KCNH1: variants seen among roughly 807,000 people sequenced by gnomAD.
KCNH1 encodes voltage-gated delayed rectifier potassium channel KCNH1.
A neutral mutation model predicts 69.2 loss-of-function variants in KCNH1; 27 were observed. The ratio of observed to expected loss-of-function variants is 0.39; its 90% confidence interval spans 0.29 to 0.54. The LOEUF is 0.54. Ranked by LOEUF, KCNH1 falls within the 20% of genes least tolerant of loss-of-function variation. The pLI is 0.68. For missense variants in KCNH1, 798 were observed against 1,261.6 expected, an observed-to-expected ratio of 0.63 and a Z score of 5.57; for synonymous variants, 456 against 487.7, an observed-to-expected ratio of 0.93 and a Z score of 0.86.
At chr1:210,891,579 G>T (rs903789838) in intron 7 of KCNH1, among the ~76,000 whole-genome samples, 2 of 151,858 alleles carry the variant, frequency 1.3e-5, no homozygotes, top group Non-Finnish European at 2.9e-5. Flanking sequence ...ATGCTGAAGA[G>T]GATGTGGAGA....
At chr1:210,959,608 T>C (rs184300852) in intron 6 of KCNH1, among the ~76,000 whole-genome samples, 273 of 152,336 alleles carry the variant, frequency 1.8e-3, no homozygotes, top group African/African-American at 6.2e-3. Context: ...GCCTTAGCAA[T>C]GGCAGACGCC....
At chr1:210,855,947 C>T (rs1279591736) in intron 7 of KCNH1, among the ~76,000 whole-genome samples, 5 of 152,114 alleles carry the variant, frequency 3.3e-5, no homozygotes, top group African/African-American at 1.2e-4. Flanking sequence ...TCTTAATATG[C>T]CACCTGGCTA....
At chr1:210,770,227 G>A (rs1478360617) in intron 10 of KCNH1, among the ~76,000 whole-genome samples, 3 of 152,124 alleles carry the variant, frequency 2.0e-5, no homozygotes, top group African/African-American at 7.2e-5. Flanking sequence ...CAAGGGGAGA[G>A]AGAGCATTTG....
chr1:210,807,216 T>C (rs1003065667), intron 7 of KCNH1, among the ~76,000 whole-genome samples: 4 of 152,124 alleles, frequency 2.6e-5, no homozygotes, highest in African/African-American at 7.2e-5. Flanking sequence ...AATTCTTCTA[T>C]CACCACAGAG....
In KCNH1 at chr1:210,682,472, G is replaced by C. The variant is rs991462585; in HGVS notation, c.*809C>G. 3 of 152,570 alleles carry C rather than the reference G, an allele frequency of 2.0e-5. No homozygotes were observed. Among genetic ancestry groups the C allele is most frequent in the Admixed American group, 1.3e-4 (2 of 15,280 alleles). The allele number at this position is 152,570 out of a possible 1,614,324, so 9.5% of individuals were successfully genotyped here. A position where few individuals can be genotyped will look rare whatever the true frequency, so the allele number is the denominator to read the frequency against. ...AACAGAAGCAAGGGAGCCTGTGTGT[G>C]AGGCCAGCAGCATGGAGCAGGGCCA... On this transcript the variant is annotated 3_prime_UTR_variant, in exon 11 of 11. Coordinates refer to ENST00000271751, the MANE Select transcript of KCNH1 (RefSeq NM_172362.3).
chr1:211,047,366 C>T (rs987977043), intron 5 of KCNH1, among the ~76,000 whole-genome samples: 6 of 152,148 alleles, frequency 3.9e-5, no homozygotes, highest in African/African-American at 1.4e-4. Flanking sequence ...TGAACGCAGG[C>T]ATGTGTGTAC....
intron 6 of KCNH1, among the ~76,000 whole-genome samples, chr1:210,950,527 G>A (rs1688046227): frequency 6.6e-6 from 1 of 150,854 alleles, no homozygotes; most frequent in Non-Finnish European, 1.5e-5. Context: ...TTTCATCCAT[G>A]TCCCTACAAA....
chr1:210,885,633 A>C (rs2102514467), intron 7 of KCNH1, among the ~76,000 whole-genome samples: 1 of 152,286 alleles, frequency 6.6e-6, no homozygotes, highest in African/African-American at 2.4e-5. Flanking sequence ...CAGCAAGCTA[A>C]GATCCACTGG....
At chr1:210,939,699 C>T (rs751589225) in intron 6 of KCNH1, among the ~76,000 whole-genome samples, 13 of 152,302 alleles carry the variant, frequency 8.5e-5, no homozygotes, top group East Asian at 1.9e-4. Flanking sequence ...ACCCAACTTA[C>T]GGTTGAAGAA....
At chr1:210,809,201 A>G (rs976949535) in intron 7 of KCNH1, among the ~76,000 whole-genome samples, 2 of 152,278 alleles carry the variant, frequency 1.3e-5, no homozygotes, top group East Asian at 3.9e-4. Context: ...GGTGTAGCAA[A>G]AACACATATC....
rs372512720 is a variant in KCNH1 at position 210,683,885 on chromosome 1, G to A, written c.2366C>T (p.Thr789Ile). ...NHSLVKASVV[T>I]VRESPATPVS... ...GGGCGTGGCAGGACTCTCACGCACG[G>A]TGACCACGCTGGCCTTCACGAGGCT... Residue 789 changes from threonine to isoleucine, a missense_variant, in exon 11 of 11, where the codon ACC (threonine) becomes ATC (isoleucine). By Grantham distance (89) the Thr-to-Ile change is moderately conservative (BLOSUM62 -1). Transcript: ENST00000271751. The surrounding 1 kb of genome is among the most constrained non-coding windows in gnomAD (Gnocchi z 5.7). 9.0e-5 allele frequency: 146 copies of A among 1,613,954 alleles called. No individual in the cohort carries two copies. The highest frequency in any genetic ancestry group is 1.1e-4 in the Non-Finnish European group (124 of 1,179,944).
At chr1:210,993,297 CTCAT>C (rs1267462408) in intron 6 of KCNH1, among the ~76,000 whole-genome samples, 2 of 152,268 alleles carry the variant, frequency 1.3e-5, no homozygotes, top group East Asian at 3.9e-4. Flanking sequence ...TAAGGAGTTT[CTCAT>C]TCTACCGAAA....
chr1:211,028,026 GC>G lies in KCNH1; in HGVS notation c.559-8771del, dbSNP rs538875358. On this transcript the variant is annotated intron_variant, in intron 5 of 10. Coordinates refer to ENST00000271751, the MANE Select transcript of KCNH1 (RefSeq NM_172362.3). Reference sequence around the variant, plus strand: ...TTATAGAATACTCTCCCCAACAGGAGCAAAACACAGTTTTTACAAGTGTACA... The same window carrying G: ...TTATAGAATACTCTCCCCAACAGGAGAAAACACAGTTTTTACAAGTGTACA... 3.4e-4 allele frequency among the ~76,000 whole-genome samples: 51 copies of G among 152,190 alleles called. 1 individual carries two copies. Among genetic ancestry groups the G allele is most frequent in the African/African-American group, 1.2e-3 (51 of 41,540 alleles).
intron 7 of KCNH1, among the ~76,000 whole-genome samples, chr1:210,829,714 T>C (rs1454262140): frequency 6.6e-6 from 1 of 152,182 alleles, no homozygotes; most frequent in Non-Finnish European, 1.5e-5. Context: ...AAGTCTTGGC[T>C]CAACTGAATT....
At chr1:210,936,328 C>A (rs1226315627) in intron 6 of KCNH1, among the ~76,000 whole-genome samples, 1 of 152,212 alleles carries the variant, frequency 6.6e-6, no homozygotes, top group Non-Finnish European at 1.5e-5. Context: ...TTCCCAGCCT[C>A]AACATCTTCA....
chr1:210,786,409 A>G (rs1684103970), intron 9 of KCNH1, among the ~76,000 whole-genome samples: 1 of 152,058 alleles, frequency 6.6e-6, no homozygotes, highest in Admixed American at 6.5e-5. Flanking sequence ...GAAAATGACC[A>G]TTTGTCATAC....
intron 7 of KCNH1, among the ~76,000 whole-genome samples, chr1:210,865,510 G>C (rs767432588): frequency 6.6e-6 from 1 of 151,846 alleles, no homozygotes; most frequent in Non-Finnish European, 1.5e-5. Context: ...GTAGGAATAA[G>C]GTAGCAAAGA....
At chr1:210,712,611 A>G (rs1318383481) in intron 10 of KCNH1, among the ~76,000 whole-genome samples, 1 of 152,214 alleles carries the variant, frequency 6.6e-6, no homozygotes, top group Non-Finnish European at 1.5e-5. Context: ...ATGACTGTCC[A>G]TTCCTCCAAA....
chr1:211,082,529 G>C (rs539748377), intron 5 of KCNH1, among the ~76,000 whole-genome samples: 1 of 152,196 alleles, frequency 6.6e-6, no homozygotes, highest in South Asian at 2.1e-4. Context: ...AAAGTGATTT[G>C]ACACTTTTAA....
Sources: allele counts gnomAD v4.1 joint callset (sites outside exome capture counted in the v4.1 genomes callset), GRCh38; gene constraint gnomAD v4.1.1; non-coding constraint Gnocchi (gnomAD v3.1); transcripts MANE v1.5; gene names NCBI Gene and HGNC (gene_info 2026-07-23, HGNC 2026-07-21).